CFH: variants seen among roughly 807,000 people sequenced by gnomAD.
The protein encoded by CFH is H factor 1 (complement).
Under a neutral mutation model 147.3 loss-of-function variants are expected in CFH, and 53 were observed. That is an observed-to-expected ratio of 0.36 (90% CI 0.29 to 0.45). The LOEUF (loss-of-function observed/expected upper bound fraction) is 0.45. Ranked by LOEUF, CFH falls within the 20% of genes least tolerant of loss-of-function variation. The pLI is 1.00. For synonymous variants in CFH, 536 were observed against 489.4 expected, an observed-to-expected ratio of 1.10 and a Z score of -1.26; for missense variants, 1,380 against 1,498.0, an observed-to-expected ratio of 0.92 and a Z score of 1.30.
At chr1:196,729,803 G>A (rs1186711616) in intron 15 of CFH, among the ~76,000 whole-genome samples, 1 of 151,802 alleles carries the variant, frequency 6.6e-6, no homozygotes, top group Non-Finnish European at 1.5e-5. Flanking sequence ...TATTTCCTCT[G>A]AATTAATCGT....
chr1:196,723,578 G>T (rs1337974843), intron 11 of CFH, among the ~76,000 whole-genome samples: 1 of 152,104 alleles, frequency 6.6e-6, no homozygotes, highest in Non-Finnish European at 1.5e-5. Context: ...AGAGGCAGAT[G>T]AGCCTATGCT....
chr1:196,683,783 A>G (rs1370931013), intron 6 of CFH, among the ~76,000 whole-genome samples: 3 of 151,840 alleles, frequency 2.0e-5, no homozygotes, highest in Non-Finnish European at 4.4e-5. Flanking sequence ...TAGGAAACTC[A>G]CTACTGCTGG....
At chr1:196,702,296 G>T (rs1354078549) in intron 9 of CFH, among the ~76,000 whole-genome samples, 1 of 151,910 alleles carries the variant, frequency 6.6e-6, no homozygotes. Context: ...TTTAGGCAGG[G>T]TGTCACTTCT....
chr1:196,737,735 G>C (rs1353584734), intron 17 of CFH, 75 bp downstream of exon 17: 18 of 1,242,130 alleles, frequency 1.4e-5, no homozygotes, highest in Non-Finnish European at 2.1e-5. Flanking sequence ...TCAAAGTGAG[G>C]GGAATAATTG....
At chr1:196,675,814 A>T (rs1234602993) in intron 3 of CFH, among the ~76,000 whole-genome samples, 175 bp from the exon 4 acceptor site, 1 of 151,842 alleles carries the variant, frequency 6.6e-6, no homozygotes, top group African/African-American at 2.4e-5. Context: ...TCTAAGACAG[A>T]GTGAAGGAGG....
At chr1:196,690,359 G>A (rs767115576) in intron 9 of CFH, 120 bp downstream of exon 9, 1 of 1,432,320 alleles carries the variant, frequency 7.0e-7, no homozygotes, top group Admixed American at 1.7e-5. Context: ...TTTTACCAAT[G>A]GACCTATTTA....
chr1:196,737,749 T>G lies in CFH; in HGVS notation c.2782+89T>G. On this transcript the variant is annotated intron_variant, in intron 17 of 21. Coordinates refer to ENST00000367429, the MANE Select transcript of CFH (RefSeq NM_000186.4). ...ATCAAAGTGAGGGGAATAATTGAGA[T>G]TACTGCATATATAAAATAATTTATA... 2.1e-6 allele frequency: 2 copies of G among 959,854 alleles called. 1 individual carries two copies. The highest frequency in any genetic ancestry group is 4.6e-4 in the Middle Eastern group (2 of 4,336). 59.5% of individuals were successfully genotyped at this position (959,854 alleles called of 1,614,324 possible).
At chr1:196,672,890 T>G in intron 1 of CFH, 88 bp from the exon 2 acceptor site, 4 of 1,056,332 alleles carry the variant, frequency 3.8e-6, no homozygotes, top group Non-Finnish European at 5.6e-6. Flanking sequence ...TGTGACTGTC[T>G]AGGCATTTTT....
chr1:196,661,663 T>C (rs577005881), intron 1 of CFH, among the ~76,000 whole-genome samples: 155 of 152,268 alleles, frequency 1.0e-3, no homozygotes, highest in African/African-American at 3.5e-3. Flanking sequence ...TACTATCACA[T>C]TGGTAATTAG....
At chr1:196,701,726 C>A (rs566438486) in intron 9 of CFH, among the ~76,000 whole-genome samples, 2 of 152,124 alleles carry the variant, frequency 1.3e-5, no homozygotes, top group African/African-American at 2.4e-5. Context: ...CAGAGACAAA[C>A]CCTAGCAGCT....
intron 9 of CFH, chr1:196,701,700 T>C (rs1012216751): frequency 8.1e-6 from 2 of 247,518 alleles, no homozygotes; most frequent in Non-Finnish European, 1.6e-5. Context: ...GTGCCCCCTT[T>C]CCACTGGGAC....
At position 196,740,772 on chromosome 1, in the gene CFH, C is replaced by G. The variant is rs1269879293; in HGVS notation, c.2936C>G (p.Ser979Cys). The change falls in exon 18 of 22, where the codon TCT (serine) becomes TGT (cysteine). Residue 979 changes from serine to cysteine, a missense_variant. Ser to Cys is a moderately radical substitution (Grantham distance 112, BLOSUM62 -1). Coordinates refer to ENST00000367429, the MANE Select transcript of CFH (RefSeq NM_000186.4). ...GCAAAATGCTTAGGAGAAAAATGGTCTCACCCTCCATCATGCATAAGTATG... is the reference window on the plus strand; with the variant it reads ...GCAAAATGCTTAGGAGAAAAATGGTGTCACCCTCCATCATGCATAAGTATG... The part of the protein sequence containing the change: ...AIAKCLGEKW[S>C]HPPSCIKTDC... 2 of 1,613,776 alleles carry G rather than the reference C, an allele frequency of 1.2e-6. No individual in the cohort carries two copies. Among genetic ancestry groups the G allele is most frequent in the Admixed American group, 3.3e-5 (2 of 59,998 alleles).
At chr1:196,745,590 C>A (rs35866386) in intron 20 of CFH, among the ~76,000 whole-genome samples, 2,006 of 152,248 alleles carry the variant, frequency 0.013, 47 homozygotes, top group African/African-American at 0.045. Flanking sequence ...CTACCATAAG[C>A]AGCAATATTT....
intron 19 of CFH, among the ~76,000 whole-genome samples, chr1:196,742,772 A>C (rs1426274672): frequency 2.0e-5 from 3 of 152,210 alleles, no homozygotes; most frequent in Non-Finnish European, 4.4e-5. Context: ...TAGTCTATTC[A>C]CTACACATGG....
chr1:196,743,037 C>T lies in CFH; in HGVS notation c.3134-415C>T, dbSNP rs1652866123. Among the ~76,000 whole-genome samples, 4 of 152,118 alleles carry T rather than the reference C, an allele frequency of 2.6e-5. No individual in the cohort carries two copies. The South Asian group carries it at 8.3e-4, about 32-fold the overall frequency. On this transcript the variant is annotated intron_variant, in intron 19 of 21. Transcript: ENST00000367429. The stretch of plus-strand genomic sequence containing the variant: ...TTTTTAAGAGGCTAAAATGTATAAG[C>T]AGGATGATTGCAAACAAAAATCTGG...
intron 3 of CFH, among the ~76,000 whole-genome samples, chr1:196,674,593 A>G (rs188857162): frequency 1.4e-3 from 197 of 142,876 alleles, no homozygotes; most frequent in African/African-American, 4.7e-3. Context: ...TTTGGAGAAA[A>G]ATTTATGTAT....
chr1:196,741,947 C>T lies in CFH; in HGVS notation c.3029C>T (p.Ala1010Val), dbSNP rs1464197680. The T allele has an allele frequency of 6.2e-6, 10 of 1,613,946 alleles. No individual in the cohort carries two copies. The highest frequency in any genetic ancestry group is 2.7e-5 in the African/African-American group (2 of 74,914). ...PMGEKKDVYK[A>V]GEQVTYTCAT... is the part of the protein sequence containing the mutation. The stretch of plus-strand genomic sequence containing the variant: ...GGAGAGAAGAAGGATGTGTATAAGG[C>T]GGGTGAGCAAGTGACTTACACTTGT... The change falls in exon 19 of 22, where the codon GCG (alanine) becomes GTG (valine). Residue 1010 changes from alanine (A) to valine (V), a missense_variant. Transcript: ENST00000367429.
chr1:196,681,051 G>A (rs532224934), intron 6 of CFH, among the ~76,000 whole-genome samples: 232 of 151,930 alleles, frequency 1.5e-3, no homozygotes, highest in African/African-American at 5.3e-3. Context: ...CTAAGCAAAG[G>A]AAGTGCATGC....
At chr1:196,676,519 G>T (rs891281497) in intron 4 of CFH, among the ~76,000 whole-genome samples, 1 of 151,968 alleles carries the variant, frequency 6.6e-6, no homozygotes, top group Non-Finnish European at 1.5e-5. Context: ...ACTGAAAAGA[G>T]GAATAAACTA....
Sources: allele counts gnomAD v4.1 joint callset (sites outside exome capture counted in the v4.1 genomes callset), GRCh38; gene constraint gnomAD v4.1.1; transcripts MANE v1.5; gene names NCBI Gene and HGNC (gene_info 2026-07-23, HGNC 2026-07-21).